The following ITGB6 variants were observed in gnomAD, a reference collection of about 807,000 sequenced individuals.
ITGB6 encodes the protein integrin subunit beta 6, also known as integrin beta-6.
In ITGB6, 80 loss-of-function variants were observed where a neutral mutation model predicts 84.5. That is an observed-to-expected ratio of 0.95 (90% CI 0.79 to 1.14). The LOEUF (loss-of-function observed/expected upper bound fraction) is 1.14, where lower values mean the gene tolerates loss of function less well. Among genes scored for constraint, ITGB6 ranks in the 50% most tolerant of loss-of-function variants. ITGB6 has a pLI of 0.00. For missense variants in ITGB6, 1,006 were observed against 968.0 expected, an observed-to-expected ratio of 1.04 and a Z score of -0.52; for synonymous variants, 383 against 354.9, an observed-to-expected ratio of 1.08 and a Z score of -0.89.
At chr2:160,157,915 T>G (rs939144394) in intron 7 of ITGB6, among the ~76,000 whole-genome samples, 2 of 152,154 alleles carry the variant, frequency 1.3e-5, no homozygotes, top group Non-Finnish European at 2.9e-5. Context: ...TCAGAAGGCT[T>G]TCTTCCCGTG....
At chr2:160,169,996 C>T (rs1685144061) in intron 6 of ITGB6, among the ~76,000 whole-genome samples, 2 of 152,138 alleles carry the variant, frequency 1.3e-5, no homozygotes, top group Non-Finnish European at 2.9e-5. Flanking sequence ...GGAATATGGA[C>T]TTTACTTTTC....
chr2:160,162,367 CA>C (rs1684851617), intron 7 of ITGB6, among the ~76,000 whole-genome samples: 1 of 151,664 alleles, frequency 6.6e-6, no homozygotes, highest in African/African-American at 2.4e-5. Context: ...TATATGTGTA[CA>C]TATATATATG....
chr2:160,115,022 C>T lies in ITGB6; in HGVS notation c.1982-2823G>A, dbSNP rs113763680. ...GAAGCTCAAACTGGGTGGAGCCCACCACAGCTCAAGGAGGCCTGCCTGCCT... is the reference window on the plus strand; with the variant it reads ...GAAGCTCAAACTGGGTGGAGCCCACTACAGCTCAAGGAGGCCTGCCTGCCT... On this transcript the variant is annotated intron_variant, in intron 12 of 14. Transcript: ENST00000283249. Among the ~76,000 whole-genome samples, 1,183 of 152,348 alleles carry T rather than the reference C, an allele frequency of 7.8e-3. 19 individuals are homozygous for T. The highest frequency in any genetic ancestry group is 0.028 in the African/African-American group (1,144 of 41,590).
chr2:160,195,226 G>T, intron 4 of ITGB6, 143 bp downstream of exon 4: 1 of 1,025,542 alleles, frequency 9.8e-7, no homozygotes, highest in Non-Finnish European at 1.4e-6. Flanking sequence ...AAGCAACCTA[G>T]GCCTCTGAGA....
At chr2:160,186,499 G>T (rs1685904039) in intron 4 of ITGB6, among the ~76,000 whole-genome samples, 1 of 152,116 alleles carries the variant, frequency 6.6e-6, no homozygotes, top group Admixed American at 6.6e-5. Context: ...AAACAGAAAT[G>T]CTTTTACACT....
At position 160,126,409 on chromosome 2, in the gene ITGB6, GGACATC is replaced by G; in HGVS notation, c.1847_1852del (p.Arg616_Cys617del). ...AGAGTTACAGGGGTCACCACAGGTA[GGACATC>G]GTTCACAGGTTGGTCCTGAGGCTCC... On this transcript the variant is annotated inframe_deletion, in exon 11 of 15. Transcript: ENST00000283249. 1 of 1,614,200 alleles carries G rather than the reference GGACATC, an allele frequency of 6.2e-7. No individual in the cohort carries two copies. Among genetic ancestry groups the G allele is most frequent in the Non-Finnish European group, 8.5e-7 (1 of 1,180,004 alleles).
rs989733407 is a variant in ITGB6, at chr2:160,183,771, G to A, written c.594-9632C>T. 6.6e-5 allele frequency among the ~76,000 whole-genome samples: 10 copies of A among 152,194 alleles called. No homozygotes were observed. The East Asian group carries it at 1.7e-3, about 26-fold the overall frequency. ...CACTCCTCAGCAAACGCAAAAGAAT[G>A]GAAATCATAACAAACAGTCTCTCAT... On this transcript the variant is annotated intron_variant, in intron 4 of 14. Coordinates refer to ENST00000283249, the MANE Select transcript of ITGB6 (RefSeq NM_000888.5).
intron 7 of ITGB6, among the ~76,000 whole-genome samples, chr2:160,160,577 G>T (rs541545641): frequency 1.3e-5 from 2 of 152,148 alleles, no homozygotes; most frequent in Non-Finnish European, 2.9e-5. Flanking sequence ...GATATTTGGG[G>T]CTTTTCTGGA....
At chr2:160,106,381 GT>G (rs1233359926) in intron 14 of ITGB6, among the ~76,000 whole-genome samples, 8 of 152,092 alleles carry the variant, frequency 5.3e-5, no homozygotes, top group African/African-American at 1.9e-4. Flanking sequence ...GGGACTACAG[GT>G]GTGAACCACC....
intron 6 of ITGB6, among the ~76,000 whole-genome samples, chr2:160,170,354 G>T (rs993905118): frequency 1.3e-5 from 2 of 152,176 alleles, no homozygotes; most frequent in Non-Finnish European, 2.9e-5. Flanking sequence ...AACTGCAAAT[G>T]GCTATGTCAT....
chr2:160,175,073 C>T (rs1685365263), intron 4 of ITGB6, among the ~76,000 whole-genome samples: 1 of 152,160 alleles, frequency 6.6e-6, no homozygotes, highest in Admixed American at 6.5e-5. Flanking sequence ...CGCAAAGAGA[C>T]AAAAAGGCAT....
Position 160,137,597 on chromosome 2 carries a change from T to G in ITGB6, c.1497A>C (p.Thr499=), listed in dbSNP as rs1461377804. 1 of 1,614,096 alleles carries G rather than the reference T, an allele frequency of 6.2e-7. No homozygotes were observed. The highest frequency in any genetic ancestry group is 8.5e-7 in the Non-Finnish European group (1 of 1,180,030). The change falls in exon 10 of 15, where the codon ACA becomes ACC. Residue 499 remains threonine, a synonymous_variant. Coordinates refer to ENST00000283249, the MANE Select transcript of ITGB6 (RefSeq NM_000888.5). The part of the protein sequence containing the change: ...RCECGEDMLS[T]DSCKEAPDHP... ...GATCTGGGGCCTCCTTGCAGGAATC[T>G]GTGCTCAGCATGTCCTCGCCACACT...
In ITGB6 at chr2:160,141,195, A is replaced by T. The variant is rs190426685; in HGVS notation, c.1107+787T>A. 3.5e-3 allele frequency among the ~76,000 whole-genome samples: 533 copies of T among 151,970 alleles called. 3 individuals are homozygous for T. Among genetic ancestry groups the T allele is most frequent in the African/African-American group, 0.012 (498 of 41,454 alleles). Reference sequence around the variant, plus strand: ...CTTACTAAAAAATTTACTTTTTTTCATTCCTATCCTAATTTAGGGCTTCTT... The same window carrying T: ...CTTACTAAAAAATTTACTTTTTTTCTTTCCTATCCTAATTTAGGGCTTCTT... On this transcript the variant is annotated intron_variant, in intron 8 of 14. Transcript: ENST00000283249.
At chr2:160,136,144 C>T (rs559214840) in intron 10 of ITGB6, among the ~76,000 whole-genome samples, 2 of 152,138 alleles carry the variant, frequency 1.3e-5, no homozygotes, top group East Asian at 1.9e-4. Flanking sequence ...AAAATTTTTG[C>T]AATCTACTCA....
At chr2:160,178,658 TTCTC>T (rs1237206567) in intron 4 of ITGB6, among the ~76,000 whole-genome samples, 1 of 151,976 alleles carries the variant, frequency 6.6e-6, no homozygotes, top group Non-Finnish European at 1.5e-5. Context: ...TCATTTTCTT[TTCTC>T]TCTATCTTTC....
intron 3 of ITGB6, 92 bp downstream of exon 3, chr2:160,196,124 G>A (rs1390893987): frequency 2.0e-6 from 2 of 1,019,104 alleles, no homozygotes; most frequent in African/African-American, 1.6e-5. Context: ...AATAATCAAT[G>A]ATATGTAATA....
At chr2:160,133,412 G>GGTC (rs1683552295) in intron 10 of ITGB6, among the ~76,000 whole-genome samples, 1 of 152,122 alleles carries the variant, frequency 6.6e-6, no homozygotes, top group Non-Finnish European at 1.5e-5. Context: ...CATAAAGAAA[G>GGTC]TCCTTAGAGA....
intron 1 of ITGB6, 103 bp downstream of exon 1, chr2:160,199,900 G>C: frequency 1.1e-6 from 1 of 894,202 alleles, no homozygotes; most frequent in Non-Finnish European, 1.8e-6. Flanking sequence ...AAGAGCAATG[G>C]AACAGATCAA....
intron 7 of ITGB6, among the ~76,000 whole-genome samples, chr2:160,148,012 C>G (rs977020793): frequency 1.3e-5 from 2 of 152,080 alleles, no homozygotes; most frequent in African/African-American, 2.4e-5. Context: ...AAGATGATGT[C>G]AAAAGAACAA....
Sources: gnomAD v4.1 joint callset for allele counts (sites outside exome capture counted in the v4.1 genomes callset) on GRCh38, gnomAD v4.1.1 for gene constraint, MANE v1.5 for transcripts, NCBI Gene and HGNC (gene_info 2026-07-23, HGNC 2026-07-21) for gene names.